The following TENM1 variants were observed in gnomAD, a reference collection of about 807,000 sequenced individuals.
TENM1 encodes the protein teneurin-1.
Under a neutral mutation model 174.8 loss-of-function variants are expected in TENM1, and 35 were observed. That is an observed-to-expected ratio of 0.20 (90% CI 0.15 to 0.27). The LOEUF (loss-of-function observed/expected upper bound fraction) is 0.27. Among genes scored for constraint, TENM1 ranks in the 10% least tolerant of loss-of-function variants. The pLI is 1.00. For synonymous variants in TENM1, 781 were observed against 798.7 expected, an observed-to-expected ratio of 0.98 and a Z score of 0.37; for missense variants, 1,633 against 2,130.1, an observed-to-expected ratio of 0.77 and a Z score of 4.59.
upstream of TENM1, among the ~76,000 whole-genome samples, chrX:124,968,088 G>A (rs1390974890): frequency 1.8e-5 from 2 of 112,033 alleles, no homozygotes; most frequent in Admixed American, 1.9e-4. Flanking sequence ...AATGGTTGCT[G>A]AGTGGGATAA....
chrX:124,525,137 AT>A (rs1276437092), intron 16 of TENM1, among the ~76,000 whole-genome samples: 8 of 112,442 alleles, frequency 7.1e-5, no homozygotes, highest in Non-Finnish European at 1.1e-4. Context: ...TGTTGCAGAA[AT>A]CTTGCAGATA....
At chrX:124,883,332 A>T (rs922208608) in intron 3 of TENM1, among the ~76,000 whole-genome samples, 3 of 112,144 alleles carry the variant, frequency 2.7e-5, no homozygotes, top group Non-Finnish European at 5.6e-5. Context: ...TGTAAACAAC[A>T]TCAGTAGTGT....
At chrX:124,801,391 T>C (rs2055445251) in intron 3 of TENM1, among the ~76,000 whole-genome samples, 1 of 111,840 alleles carries the variant, frequency 8.9e-6, no homozygotes, top group African/African-American at 3.3e-5. Context: ...AAGTCTGTCT[T>C]GTCAGAGACT....
At chrX:125,068,404 C>T in the TENM1 span, among the ~76,000 whole-genome samples, 1 of 111,752 alleles carries the variant, frequency 8.9e-6, no homozygotes, top group African/African-American at 3.2e-5. Flanking sequence ...ATGAATAAAA[C>T]GTCATCGCAC....
chrX:125,061,445 G>A, the TENM1 span, among the ~76,000 whole-genome samples: 5 of 111,783 alleles, frequency 4.5e-5, no homozygotes, highest in Non-Finnish European at 7.5e-5. Context: ...GTTTAGCATT[G>A]TGCTTGGCTA....
intron 3 of TENM1, among the ~76,000 whole-genome samples, chrX:124,768,471 T>C (rs1486472671): frequency 8.9e-6 from 1 of 111,976 alleles, no homozygotes; most frequent in East Asian, 2.8e-4. Context: ...GTTGGCACAT[T>C]ATAAGTGTTT....
intron 3 of TENM1, among the ~76,000 whole-genome samples, chrX:124,804,815 A>G (rs1315828121): frequency 8.9e-6 from 1 of 112,118 alleles, no homozygotes; most frequent in Non-Finnish European, 1.9e-5. Flanking sequence ...ACAAGTAGTT[A>G]TTGAGTGCTT....
intron 15 of TENM1, among the ~76,000 whole-genome samples, chrX:124,535,934 G>C (rs1359846463): frequency 8.9e-6 from 1 of 111,980 alleles, no homozygotes; most frequent in Non-Finnish European, 1.9e-5. Context: ...ACTCTGGATT[G>C]AGCATTAGGA....
At chrX:124,664,904 G>C (rs767592481) in intron 6 of TENM1, among the ~76,000 whole-genome samples, 9 of 111,293 alleles carry the variant, frequency 8.1e-5, no homozygotes, top group Non-Finnish European at 1.5e-4. Context: ...TTTGAAAAAT[G>C]AAAGAAAAAG....
chrX:125,081,626 A>C, the TENM1 span, among the ~76,000 whole-genome samples: 1 of 111,432 alleles, frequency 9.0e-6, no homozygotes, highest in Admixed American at 9.6e-5. Context: ...AAATAGAACT[A>C]CCATTGGAGC....
chrX:124,776,561 C>T (rs1021181335), intron 3 of TENM1, among the ~76,000 whole-genome samples: 1 of 111,699 alleles, frequency 9.0e-6, no homozygotes, highest in African/African-American at 3.2e-5. Flanking sequence ...TAAACCTTTT[C>T]GATGAATATC....
chrX:125,078,972 G>A, the TENM1 span, among the ~76,000 whole-genome samples: 1 of 111,195 alleles, frequency 9.0e-6, no homozygotes, highest in Non-Finnish European at 1.9e-5. Context: ...TTTCACAGAC[G>A]AATAAACTGA....
the TENM1 span, among the ~76,000 whole-genome samples, chrX:125,077,155 T>C: frequency 9.0e-6 from 1 of 111,729 alleles, no homozygotes; most frequent in Admixed American, 9.5e-5. Flanking sequence ...CGGAAGGAAC[T>C]GGAAGTTTTC....
At chrX:124,961,512 C>T (rs1056441432) in intron 1 of TENM1, among the ~76,000 whole-genome samples, 7 of 110,694 alleles carry the variant, frequency 6.3e-5, no homozygotes, top group Non-Finnish European at 9.4e-5. Context: ...GGCATGGAGG[C>T]GCGTACCTGA....
chrX:124,703,946 C>T (rs1025204239), intron 5 of TENM1, among the ~76,000 whole-genome samples: 1 of 112,387 alleles, frequency 8.9e-6, no homozygotes, highest in Admixed American at 9.4e-5. Context: ...ATACTGTTTA[C>T]ATCATCAGTG....
intron 4 of TENM1, among the ~76,000 whole-genome samples, chrX:124,725,487 G>A (rs2053424243): frequency 8.9e-6 from 1 of 111,867 alleles, no homozygotes; most frequent in Admixed American, 9.5e-5. Context: ...ACAAAATAGA[G>A]AAGCAGATGT....
intron 18 of TENM1, among the ~76,000 whole-genome samples, chrX:124,515,132 A>G (rs774394896): frequency 9.8e-5 from 11 of 111,883 alleles, no homozygotes; most frequent in Non-Finnish European, 2.1e-4. Context: ...AATGGCTTTG[A>G]TAAAATTCAA....
chrX:124,572,772 G>T (rs1160666057), intron 11 of TENM1, among the ~76,000 whole-genome samples: 3 of 110,351 alleles, frequency 2.7e-5, no homozygotes, highest in Non-Finnish European at 3.8e-5. Context: ...TAAATAAAAG[G>T]TTCCATTAAA....
intron 17 of TENM1, among the ~76,000 whole-genome samples, chrX:124,522,926 G>T (rs6649252): frequency 0.023 from 2,618 of 111,475 alleles, 77 homozygotes; most frequent in African/African-American, 0.081. Flanking sequence ...AACCTTAGGT[G>T]ATCTGCCCAC....
Sources: allele counts gnomAD v4.1 joint callset (sites outside exome capture counted in the v4.1 genomes callset), GRCh38; gene constraint gnomAD v4.1.1; transcripts MANE v1.5; gene names NCBI Gene and HGNC (gene_info 2026-07-23, HGNC 2026-07-21).